Variants in SAMD4A observed in about 807,000 individuals in gnomAD.
SAMD4A encodes protein Smaug homolog 1.
A neutral mutation model predicts 81.3 loss-of-function variants in SAMD4A; 33 were observed. The ratio of observed to expected loss-of-function variants is 0.41; its 90% CI spans 0.31 to 0.54. SAMD4A has a LOEUF of 0.54. Among genes scored for constraint, SAMD4A ranks in the 20% least tolerant of loss-of-function variants. SAMD4A has a pLI of 0.37. For synonymous variants in SAMD4A, 389 were observed against 382.1 expected (o/e 1.02, Z -0.21); for missense variants, 854 against 951.1 (o/e 0.90, Z 1.34).
chr14:54,567,870 G>C lies in SAMD4A; in HGVS notation c.-47G>C. On this transcript the variant is annotated 5_prime_UTR_variant, in exon 2 of 13. Coordinates refer to ENST00000554335, the MANE Select transcript of SAMD4A (RefSeq NM_015589.6). ...CCAAACTTTGGGGCGGGCGGGGCGG[G>C]CTGGGGCGCCCAGGGGGCTCTGTAG... 6.9e-7 allele frequency: 1 copy of C among 1,448,854 alleles called. No homozygotes were observed. The allele number at this position is 1,448,854 out of a possible 1,614,324, so 89.7% of individuals were successfully genotyped here.
chr14:54,768,788 G>A (rs1418949632), intron 8 of SAMD4A, among the ~76,000 whole-genome samples: 1 of 152,212 alleles, frequency 6.6e-6, no homozygotes, highest in African/African-American at 2.4e-5. Context: ...CACCCGGGAA[G>A]AAGGGGTTTG....
intron 2 of SAMD4A, among the ~76,000 whole-genome samples, chr14:54,613,174 A>G (rs1275345745): frequency 6.6e-6 from 1 of 151,348 alleles, no homozygotes. Flanking sequence ...GAAAGGGAAA[A>G]GGAAGGAAGA....
intron 2 of SAMD4A, among the ~76,000 whole-genome samples, chr14:54,641,318 C>G (rs2035168398): frequency 6.6e-6 from 1 of 152,208 alleles, no homozygotes; most frequent in South Asian, 2.1e-4. Flanking sequence ...TAGGCATACT[C>G]TGGGTCTATA....
At chr14:54,640,037 T>A (rs2035136295) in intron 2 of SAMD4A, among the ~76,000 whole-genome samples, 1 of 144,570 alleles carries the variant, frequency 6.9e-6, no homozygotes, top group Admixed American at 6.8e-5. Context: ...AAAAAAAAAA[T>A]AGCCTTGGGA....
Position 54,775,047 on chromosome 14 carries a change from G to A in SAMD4A, c.1829G>A (p.Arg610His), listed in dbSNP as rs1351693123. 20 of 1,614,068 alleles carry A rather than the reference G, an allele frequency of 1.2e-5. No individual in the cohort carries two copies. Among genetic ancestry groups the A allele is most frequent in the Middle Eastern group, 1.6e-4 (1 of 6,084 alleles). ...CCCTCTCGGAACGTCCCTTCCGCCC[G>A]CCTGGGCCTCTTGGGCACCAGTGGA... Reference protein sequence around the residue: ...QIPSRNVPSARLGLLGTSGFV... With the variant: ...QIPSRNVPSAHLGLLGTSGFV... The change falls in exon 10 of 13, where the codon CGC becomes CAC. Residue 610 changes from arginine (R) to histidine (H), a missense_variant. Physicochemically the swap from Arg to His is conservative, Grantham distance 29 (BLOSUM62 0). Transcript: ENST00000554335.
chr14:54,759,033 A>G (rs1333750734), intron 6 of SAMD4A, among the ~76,000 whole-genome samples: 1 of 152,220 alleles, frequency 6.6e-6, no homozygotes, highest in Non-Finnish European at 1.5e-5. Context: ...AGCATCTGGC[A>G]TAGAGAAAAA....
In SAMD4A at chr14:54,588,377, A is replaced by T. The variant is rs551411990; in HGVS notation, c.196+20265A>T. Reference sequence around the variant, plus strand: ...GTATTTTTTTTTTGTTGTTGTTTTAATTTTATTTAGTTCTGCTCTGATATT... The same window carrying T: ...GTATTTTTTTTTTGTTGTTGTTTTATTTTTATTTAGTTCTGCTCTGATATT... On this transcript the variant is annotated intron_variant, in intron 2 of 12. Transcript: ENST00000554335. Among the ~76,000 whole-genome samples, 3 of 151,174 alleles carry T rather than the reference A, an allele frequency of 2.0e-5. No homozygotes were observed. In the East Asian group the frequency reaches 5.8e-4, roughly 29 times the overall value.
At chr14:54,601,746 C>G (rs1047211959) in intron 2 of SAMD4A, among the ~76,000 whole-genome samples, 2 of 152,162 alleles carry the variant, frequency 1.3e-5, no homozygotes, top group African/African-American at 4.8e-5. Context: ...TTATTTGAAT[C>G]TTGTGTCTGT....
At chr14:54,713,998 A>T (rs1171220284) in intron 3 of SAMD4A, among the ~76,000 whole-genome samples, 1 of 152,222 alleles carries the variant, frequency 6.6e-6, no homozygotes, top group African/African-American at 2.4e-5. Flanking sequence ...TGATCCAGAT[A>T]GGTAGTTGAT....
chr14:54,761,963 C>T (rs567370942), intron 7 of SAMD4A, among the ~76,000 whole-genome samples: 1 of 152,166 alleles, frequency 6.6e-6, no homozygotes, highest in Non-Finnish European at 1.5e-5. Flanking sequence ...CTACTCAATA[C>T]CCTGCTTTTG....
intron 2 of SAMD4A, among the ~76,000 whole-genome samples, chr14:54,650,920 A>C (rs2035389986): frequency 6.6e-6 from 1 of 152,184 alleles, no homozygotes; most frequent in African/African-American, 2.4e-5. Context: ...GAGGTCTCCA[A>C]ACTGAGGTCG....
chr14:54,764,526 T>C lies in SAMD4A; in HGVS notation c.1582T>C (p.Cys528Arg). Residue 528 changes from cysteine to arginine, a missense_variant, in exon 8 of 13, where the codon TGT becomes CGT. Transcript: ENST00000554335. ...TTCCTATTTACAGCTCATAGACAAG[T>C]GTCTAATTCATGAGGTGAGTAGTGA... The part of the protein sequence containing the change: ...ISSYLQLIDK[C>R]LIHEAFTETQ... The C allele has an allele frequency of 1.2e-6, 2 of 1,609,724 alleles. No individual in the cohort carries two copies. Among genetic ancestry groups the C allele is most frequent in the Non-Finnish European group, 1.7e-6 (2 of 1,177,394 alleles).
intron 2 of SAMD4A, among the ~76,000 whole-genome samples, chr14:54,640,269 T>G (rs1219762600): frequency 6.6e-6 from 1 of 152,238 alleles, no homozygotes; most frequent in Non-Finnish European, 1.5e-5. Flanking sequence ...ATGAGATTTT[T>G]ATGTTTTACT....
At chr14:54,611,118 T>C (rs2140265292) in intron 2 of SAMD4A, among the ~76,000 whole-genome samples, 1 of 152,296 alleles carries the variant, frequency 6.6e-6, no homozygotes, top group African/African-American at 2.4e-5. Context: ...AGGAAGCCTT[T>C]GAATCTTGGC....
chr14:54,675,128 G>T (rs566935122), intron 2 of SAMD4A, among the ~76,000 whole-genome samples: 1 of 152,262 alleles, frequency 6.6e-6, no homozygotes, highest in Non-Finnish European at 1.5e-5. Context: ...CACTTTGGGA[G>T]GCTGAGGCGG....
chr14:54,741,775 C>A (rs1332834270), intron 4 of SAMD4A, among the ~76,000 whole-genome samples: 1 of 152,102 alleles, frequency 6.6e-6, no homozygotes, highest in Admixed American at 6.5e-5. Context: ...GACTACAGGT[C>A]AGCCAAATAG....
chr14:54,610,495 T>C (rs1808547240), intron 2 of SAMD4A, among the ~76,000 whole-genome samples: 1 of 152,166 alleles, frequency 6.6e-6, no homozygotes, highest in Non-Finnish European at 1.5e-5. Flanking sequence ...TTGCTCGGGG[T>C]CTGAAAAGTA....
At chr14:54,591,390 C>T (rs967931799) in intron 2 of SAMD4A, among the ~76,000 whole-genome samples, 2 of 152,084 alleles carry the variant, frequency 1.3e-5, no homozygotes, top group African/African-American at 2.4e-5. Flanking sequence ...GCAATTGCTC[C>T]ACATCCCATT....
intron 9 of SAMD4A, among the ~76,000 whole-genome samples, chr14:54,772,486 C>A (rs1170150949): frequency 6.6e-6 from 1 of 152,158 alleles, no homozygotes; most frequent in Non-Finnish European, 1.5e-5. Context: ...TCATCACGTC[C>A]TACTCCCCTC....
Sources: gnomAD v4.1 joint callset for allele counts (sites outside exome capture counted in the v4.1 genomes callset) on GRCh38, gnomAD v4.1.1 for gene constraint, MANE v1.5 for transcripts, NCBI Gene and HGNC (gene_info 2026-07-23, HGNC 2026-07-21) for gene names.